Variants in PRKCB observed in about 807,000 individuals in gnomAD.
The protein encoded by PRKCB is protein kinase C beta.
A neutral mutation model predicts 81.5 loss-of-function variants in PRKCB; 13 were observed. That is an observed-to-expected ratio of 0.16 (90% CI 0.10 to 0.25). The LOEUF (loss-of-function observed/expected upper bound fraction) is 0.25. PRKCB is among the 10% of genes least tolerant of loss of function. The pLI is 1.00. For synonymous variants in PRKCB, 335 were observed against 321.4 expected (o/e 1.04, Z -0.45); for missense variants, 509 against 875.7 (o/e 0.58, Z 5.29).
intron 9 of PRKCB, among the ~76,000 whole-genome samples, chr16:24,147,010 A>T (rs1401319467): frequency 6.6e-6 from 1 of 152,158 alleles, no homozygotes; most frequent in Non-Finnish European, 1.5e-5. Context: ...CTCCCATGGC[A>T]AAACTTCACA....
chr16:24,066,356 C>G (rs1180470667), intron 5 of PRKCB, among the ~76,000 whole-genome samples: 1 of 152,162 alleles, frequency 6.6e-6, no homozygotes, highest in East Asian at 1.9e-4. Context: ...TGTTTTTCAG[C>G]TCACTGATTT....
At chr16:23,997,876 C>A (rs1330513499) in intron 3 of PRKCB, among the ~76,000 whole-genome samples, 1 of 152,084 alleles carries the variant, frequency 6.6e-6, no homozygotes, top group Admixed American at 6.5e-5. Flanking sequence ...TGTATGGATG[C>A]CAAGTTGAGA....
chr16:24,031,149 C>T (rs1042494464), intron 3 of PRKCB, among the ~76,000 whole-genome samples: 6 of 152,206 alleles, frequency 3.9e-5, no homozygotes, highest in African/African-American at 1.4e-4. Context: ...TCCAAGTCTG[C>T]CTTTTACCAC....
chr16:23,844,177 A>G (rs1421624101), intron 2 of PRKCB, among the ~76,000 whole-genome samples: 2 of 152,350 alleles, frequency 1.3e-5, no homozygotes, highest in East Asian at 1.9e-4. Context: ...GACGCCTTCA[A>G]AGGTAAGTCC....
intron 3 of PRKCB, among the ~76,000 whole-genome samples, chr16:24,024,375 G>A (rs546365844): frequency 9.2e-5 from 14 of 152,322 alleles, no homozygotes; most frequent in African/African-American, 3.1e-4. Context: ...CAATGTTTCG[G>A]ATAGGAGGAA....
intron 2 of PRKCB, among the ~76,000 whole-genome samples, chr16:23,852,288 T>G (rs1355999501): frequency 6.6e-6 from 1 of 152,250 alleles, no homozygotes; most frequent in East Asian, 1.9e-4. Flanking sequence ...GTGCATTTCC[T>G]TTATACCTTA....
At chr16:23,922,978 CT>C (rs1196454262) in intron 2 of PRKCB, among the ~76,000 whole-genome samples, 1 of 151,756 alleles carries the variant, frequency 6.6e-6, no homozygotes, top group Admixed American at 6.6e-5. Flanking sequence ...TTAGAGTTAC[CT>C]TTTTTTCCTG....
intron 2 of PRKCB, among the ~76,000 whole-genome samples, chr16:23,903,832 C>T (rs1963519279): frequency 6.6e-6 from 1 of 152,108 alleles, no homozygotes; most frequent in African/African-American, 2.4e-5. Context: ...GTTTCAAGTT[C>T]CTTCTGGATA....
At chr16:24,135,535 A>G (rs951963120) in intron 9 of PRKCB, among the ~76,000 whole-genome samples, 2 of 151,058 alleles carry the variant, frequency 1.3e-5, no homozygotes, top group Non-Finnish European at 3.0e-5. Context: ...CTGGTCTCGA[A>G]CTCCTGGCCT....
chr16:23,871,105 C>T (rs1422683571), intron 2 of PRKCB, among the ~76,000 whole-genome samples: 1 of 152,224 alleles, frequency 6.6e-6, no homozygotes, highest in African/African-American at 2.4e-5. Flanking sequence ...CCGTCTCTTC[C>T]ACTGCATTCT....
intron 2 of PRKCB, among the ~76,000 whole-genome samples, chr16:23,907,883 T>A (rs920960942): frequency 4.6e-5 from 7 of 152,186 alleles, no homozygotes; most frequent in African/African-American, 1.7e-4. Flanking sequence ...TGGCCATGGA[T>A]CCAGGAACAA....
rs200565418 is a variant in PRKCB at position 24,192,969 on chromosome 16, C to CT, written c.1863+1746dup. 3.7e-3 allele frequency among the ~76,000 whole-genome samples: 562 copies of CT among 151,546 alleles called. 6 individuals carry two copies. The highest frequency in any genetic ancestry group is 0.013 in the African/African-American group (533 of 41,322). On this transcript the variant is annotated intron_variant, in intron 16 of 16. Coordinates refer to ENST00000643927, the MANE Select transcript of PRKCB (RefSeq NM_002738.7). ...CATGGAGAATCATCTCCTTTTTTTT[C>CT]TTTTTTTAAAGACAGGGTCTTCTTC... is the stretch of plus-strand genomic sequence containing the variant.
chr16:24,022,644 G>C (rs974265948), intron 3 of PRKCB, among the ~76,000 whole-genome samples: 23 of 151,916 alleles, frequency 1.5e-4, no homozygotes, highest in African/African-American at 5.6e-4. Flanking sequence ...GGTGCATGCC[G>C]CCACGCCCGG....
intron 2 of PRKCB, among the ~76,000 whole-genome samples, chr16:23,976,137 T>C (rs1964621974): frequency 1.3e-5 from 2 of 151,996 alleles, no homozygotes; most frequent in South Asian, 2.1e-4. Context: ...TGAGACCCCA[T>C]CTCTACAAAA....
chr16:24,163,537 A>G (rs373115732), intron 10 of PRKCB, among the ~76,000 whole-genome samples: 44 of 152,244 alleles, frequency 2.9e-4, no homozygotes, highest in African/African-American at 8.4e-4. Flanking sequence ...TCCGAGGAAG[A>G]ATAGAGGTAG....
In PRKCB at chr16:24,112,487, G is replaced by A. The variant is rs574742188; in HGVS notation, c.822-486G>A. 3.3e-5 allele frequency among the ~76,000 whole-genome samples: 5 copies of A among 152,228 alleles called. No individual in the cohort carries two copies. The South Asian group carries it at 6.2e-4, about 19-fold the overall frequency. ...CAGGAGCTCGAGGCTTCAGTGAGCT[G>A]TGATTGCACTATTGCACTCCAGCCT... On this transcript the variant is annotated intron_variant, in intron 7 of 16. Coordinates refer to ENST00000643927, the MANE Select transcript of PRKCB (RefSeq NM_002738.7).
At chr16:23,975,938 G>A (rs554853826) in intron 2 of PRKCB, among the ~76,000 whole-genome samples, 1 of 152,122 alleles carries the variant, frequency 6.6e-6, no homozygotes, top group Admixed American at 6.5e-5. Flanking sequence ...AGTTCTTTAG[G>A]TCTGGCTGGA....
intron 5 of PRKCB, among the ~76,000 whole-genome samples, chr16:24,049,047 G>GTCTTTTTT (rs1965802033): frequency 2.0e-5 from 1 of 49,656 alleles, no homozygotes; most frequent in Non-Finnish European, 3.5e-5. Context: ...AAATTGGCCT[G>GTCTTTTTT]TTTTTTTTTT....
At chr16:23,939,057 T>C (rs1234300147) in intron 2 of PRKCB, among the ~76,000 whole-genome samples, 5 of 152,068 alleles carry the variant, frequency 3.3e-5, no homozygotes, top group Non-Finnish European at 7.4e-5. Flanking sequence ...AGGGGAAACA[T>C]ACAAAAAACA....
Sources: gnomAD v4.1 joint callset for allele counts (sites outside exome capture counted in the v4.1 genomes callset) on GRCh38, gnomAD v4.1.1 for gene constraint, MANE v1.5 for transcripts, NCBI Gene and HGNC (gene_info 2026-07-23, HGNC 2026-07-21) for gene names.